XRCC4: variants seen among roughly 807,000 people sequenced by gnomAD.
The protein encoded by XRCC4 is X-ray repair cross complementing 4.
Under a neutral mutation model 39.1 loss-of-function variants are expected in XRCC4, and 28 were observed. That is an observed-to-expected ratio of 0.72 (90% confidence interval 0.53 to 0.98). The LOEUF is 0.98. Ranked by LOEUF, XRCC4 falls within the 50% of genes least tolerant of loss-of-function variation. The probability of loss-of-function intolerance (pLI) is 0.00; values close to 1 mark genes in which losing one functional copy is unlikely to be tolerated. For synonymous variants in XRCC4, 123 were observed against 126.4 expected (o/e 0.97, Z 0.18); for missense variants, 350 against 376.4 (o/e 0.93, Z 0.58).
At chr5:83,232,543 TAAA>T (rs780187043) in intron 6 of XRCC4, among the ~76,000 whole-genome samples, 3 of 152,026 alleles carry the variant, frequency 2.0e-5, no homozygotes, top group Non-Finnish European at 2.9e-5. Flanking sequence ...TCAGACCAAG[TAAA>T]AGAGTAGGCA....
At chr5:83,185,729 A>C (rs1019745107) in intron 3 of XRCC4, among the ~76,000 whole-genome samples, 1 of 152,222 alleles carries the variant, frequency 6.6e-6, no homozygotes, top group East Asian at 1.9e-4. Context: ...AGCATACTTA[A>C]ATATATATAA....
At chr5:83,369,882 T>C in the XRCC4 span, among the ~76,000 whole-genome samples, 1,203 of 152,322 alleles carry the variant, frequency 7.9e-3, 15 homozygotes, top group African/African-American at 0.027. Flanking sequence ...TGTGTAAATG[T>C]CCCCTTTTCT....
chr5:83,133,796 A>C (rs2112491146), intron 3 of XRCC4, among the ~76,000 whole-genome samples: 1 of 133,600 alleles, frequency 7.5e-6, no homozygotes, highest in Admixed American at 7.2e-5. Flanking sequence ...ACAACATGCA[A>C]GCAGCCCTTG....
intron 7 of XRCC4, among the ~76,000 whole-genome samples, chr5:83,313,989 T>G (rs1755795893): frequency 6.6e-6 from 1 of 152,142 alleles, no homozygotes; most frequent in Non-Finnish European, 1.5e-5. Flanking sequence ...AGACATCTTG[T>G]GTCCAACCAA....
At chr5:83,360,476 A>T in the XRCC4 span, among the ~76,000 whole-genome samples, 1 of 152,198 alleles carries the variant, frequency 6.6e-6, no homozygotes, top group Non-Finnish European at 1.5e-5. Context: ...TTACTACCAA[A>T]GATTAAATGA....
chr5:83,196,121 A>T (rs1750935363), intron 4 of XRCC4, among the ~76,000 whole-genome samples, 185 bp downstream of exon 4: 1 of 152,148 alleles, frequency 6.6e-6, no homozygotes. Context: ...TTAATACATT[A>T]TGTCATTAGT....
chr5:83,217,042 A>AAC (rs146441778), intron 6 of XRCC4, among the ~76,000 whole-genome samples: 5,721 of 151,346 alleles, frequency 0.038, 308 homozygotes, highest in African/African-American at 0.13. Flanking sequence ...GATATTTCAA[A>AAC]ACACACACAC....
chr5:83,120,631 TC>T (rs1746966444), intron 3 of XRCC4, among the ~76,000 whole-genome samples: 2 of 152,222 alleles, frequency 1.3e-5, no homozygotes, highest in Admixed American at 1.3e-4. Context: ...TTTCATTCCT[TC>T]CATTGCTGAG....
chr5:83,332,195 ACT>A (rs1756456792), intron 7 of XRCC4, among the ~76,000 whole-genome samples: 2 of 149,912 alleles, frequency 1.3e-5, no homozygotes, highest in Non-Finnish European at 1.5e-5. Flanking sequence ...CTAAGCTTAA[ACT>A]CTTCTTGAAT....
intron 7 of XRCC4, among the ~76,000 whole-genome samples, chr5:83,294,749 G>A (rs1755037580): frequency 6.6e-6 from 1 of 151,952 alleles, no homozygotes; most frequent in South Asian, 2.1e-4. Context: ...CAATATCAGG[G>A]ATGAGGCCTG....
In XRCC4 at chr5:83,306,657, G is replaced by C. The variant is rs74856655; in HGVS notation, c.894-46474G>C. Among the ~76,000 whole-genome samples the C allele has an allele frequency of 4.6e-5, 7 of 152,168 alleles. No homozygotes were observed. In the East Asian group the frequency reaches 1.3e-3, roughly 29 times the overall value. ...GCATGGTTTAGGCTTTTCAAATTAAGCAATACATAGCATTGATGAAGAGTG... is the reference window on the plus strand; with the variant it reads ...GCATGGTTTAGGCTTTTCAAATTAACCAATACATAGCATTGATGAAGAGTG... On this transcript the variant is annotated intron_variant, in intron 7 of 7. Coordinates refer to ENST00000396027, the MANE Select transcript of XRCC4 (RefSeq NM_003401.5).
At chr5:83,269,749 A>G (rs1277832547) in intron 7 of XRCC4, among the ~76,000 whole-genome samples, 2 of 152,116 alleles carry the variant, frequency 1.3e-5, no homozygotes, top group Admixed American at 6.6e-5. Flanking sequence ...TAGTAGATCT[A>G]ACCCAGCGGA....
At chr5:83,273,515 C>T (rs551868019) in intron 7 of XRCC4, among the ~76,000 whole-genome samples, 3 of 152,212 alleles carry the variant, frequency 2.0e-5, no homozygotes, top group South Asian at 2.1e-4. Flanking sequence ...AATGGTATTG[C>T]CTAGGTTTTC....
chr5:83,169,728 G>A (rs554156950), intron 3 of XRCC4, among the ~76,000 whole-genome samples: 1 of 152,000 alleles, frequency 6.6e-6, no homozygotes, highest in East Asian at 1.9e-4. Flanking sequence ...TTTGGCTTGA[G>A]ATCCTTGTTA....
At position 83,326,550 on chromosome 5, in the gene XRCC4, ATTTG is replaced by A. The variant is rs1237561850; in HGVS notation, c.894-26576_894-26573del. Among the ~76,000 whole-genome samples, 4 of 152,154 alleles carry A rather than the reference ATTTG, an allele frequency of 2.6e-5. No homozygotes were observed. In the South Asian group the frequency reaches 8.3e-4, roughly 31 times the overall value. ...AGCATTTAATATTCTTTATGGGAAA[ATTTG>A]TTTGGGATCTATATATTCTACTAAC... On this transcript the variant is annotated intron_variant, in intron 7 of 7. Transcript: ENST00000396027.
At chr5:83,153,303 A>C in intron 3 of XRCC4, among the ~76,000 whole-genome samples, 1 of 151,270 alleles carries the variant, frequency 6.6e-6, no homozygotes. Flanking sequence ...CCGCCTCCCG[A>C]GTTCAAGCAA....
chr5:83,269,972 AC>A (rs1754081283), intron 7 of XRCC4, among the ~76,000 whole-genome samples: 1 of 151,444 alleles, frequency 6.6e-6, no homozygotes, highest in African/African-American at 2.4e-5. Context: ...TATACAACTC[AC>A]CATAATGTAG....
intron 7 of XRCC4, among the ~76,000 whole-genome samples, chr5:83,300,403 A>G (rs1755237670): frequency 6.6e-6 from 1 of 152,172 alleles, no homozygotes; most frequent in Non-Finnish European, 1.5e-5. Flanking sequence ...CTAACCTTTT[A>G]TATAATTGGA....
intron 1 of XRCC4, among the ~76,000 whole-genome samples, chr5:83,104,085 A>G (rs763027018): frequency 4.6e-5 from 7 of 152,194 alleles, no homozygotes; most frequent in Non-Finnish European, 1.0e-4. Flanking sequence ...ATGCAGAAAC[A>G]TTTATTGGCC....
Sources: allele counts gnomAD v4.1 joint callset (sites outside exome capture counted in the v4.1 genomes callset), GRCh38; gene constraint gnomAD v4.1.1; transcripts MANE v1.5; gene names NCBI Gene and HGNC (gene_info 2026-07-23, HGNC 2026-07-21).